Variants in SLC35F4 observed in about 807,000 individuals in gnomAD.
The protein encoded by SLC35F4 is solute carrier family 35 member F4.
Under a neutral mutation model 44.2 loss-of-function variants are expected in SLC35F4, and 24 were observed. The ratio of observed to expected loss-of-function variants is 0.54; its 90% CI spans 0.39 to 0.76. The LOEUF is 0.76. Among genes scored for constraint, SLC35F4 ranks in the 30% least tolerant of loss-of-function variants. The pLI, the probability that SLC35F4 is intolerant of heterozygous loss-of-function variation, is 0.00. For synonymous variants in SLC35F4, 238 were observed against 223.6 expected, an observed-to-expected ratio of 1.06 and a Z score of -0.57; for missense variants, 562 against 586.1, an observed-to-expected ratio of 0.96 and a Z score of 0.42.
intron 1 of SLC35F4, among the ~76,000 whole-genome samples, chr14:57,980,843 A>G (rs1322525538): frequency 1.3e-5 from 2 of 152,238 alleles, no homozygotes; most frequent in African/African-American, 4.8e-5. Context: ...ACATGTGGCT[A>G]GTGGCTATCA....
chr14:57,793,576 T>G (rs972454056), intron 1 of SLC35F4, among the ~76,000 whole-genome samples: 1 of 152,158 alleles, frequency 6.6e-6, no homozygotes, highest in Non-Finnish European at 1.5e-5. Context: ...TATTTAATTA[T>G]TTTTTATGGC....
chr14:57,891,195 T>C (rs1025433609), intron 1 of SLC35F4, among the ~76,000 whole-genome samples: 13 of 152,166 alleles, frequency 8.5e-5, no homozygotes, highest in African/African-American at 3.1e-4. Context: ...ACTTACTGGA[T>C]CTAATGGAAA....
At chr14:57,709,005 A>G (rs1427280123) in intron 1 of SLC35F4, among the ~76,000 whole-genome samples, 1 of 152,210 alleles carries the variant, frequency 6.6e-6, no homozygotes, top group African/African-American at 2.4e-5. Context: ...TAAAAGGCAG[A>G]GCCAGGTGTA....
At chr14:57,863,160 C>T (rs1887824992) in intron 1 of SLC35F4, among the ~76,000 whole-genome samples, 1 of 152,230 alleles carries the variant, frequency 6.6e-6, no homozygotes, top group Non-Finnish European at 1.5e-5. Flanking sequence ...AGCCACTGCA[C>T]CCACCTTTAA....
At chr14:57,884,020 A>G (rs1334680968) in intron 1 of SLC35F4, among the ~76,000 whole-genome samples, 3 of 152,168 alleles carry the variant, frequency 2.0e-5, no homozygotes, top group Admixed American at 1.3e-4. Context: ...AGACAATAAG[A>G]GCCGTGGATA....
At chr14:57,671,352 G>A (rs1462481149) in intron 1 of SLC35F4, among the ~76,000 whole-genome samples, 1 of 151,944 alleles carries the variant, frequency 6.6e-6, no homozygotes, top group African/African-American at 2.4e-5. Context: ...TTCCACTTGA[G>A]GAGAGGGGAG....
At chr14:57,945,404 T>C (rs1890005623) in intron 1 of SLC35F4, among the ~76,000 whole-genome samples, 1 of 148,068 alleles carries the variant, frequency 6.8e-6, no homozygotes, top group African/African-American at 2.6e-5. Context: ...GCAGCTGCTA[T>C]TATCATTGCT....
At chr14:57,698,044 A>G (rs1263435526) in intron 1 of SLC35F4, among the ~76,000 whole-genome samples, 3 of 152,198 alleles carry the variant, frequency 2.0e-5, no homozygotes, top group Admixed American at 6.5e-5. Context: ...TCAGTTCTTC[A>G]CATGTAAAAT....
At chr14:57,640,597 T>C (rs1404501912) in intron 1 of SLC35F4, among the ~76,000 whole-genome samples, 1 of 152,022 alleles carries the variant, frequency 6.6e-6, no homozygotes, top group Non-Finnish European at 1.5e-5. Context: ...TTGTTCCTTA[T>C]TCAATGAGGC....
chr14:57,652,031 G>A (rs1359799265), intron 1 of SLC35F4, among the ~76,000 whole-genome samples: 1 of 152,154 alleles, frequency 6.6e-6, no homozygotes, highest in African/African-American at 2.4e-5. Context: ...GGTACCTGGA[G>A]GACCCCCAGG....
chr14:57,854,409 A>G (rs1001828900), intron 1 of SLC35F4, among the ~76,000 whole-genome samples: 31 of 152,228 alleles, frequency 2.0e-4, no homozygotes, highest in African/African-American at 7.0e-4. Context: ...AGAACATAAA[A>G]TAGGCTGTCT....
chr14:57,898,317 C>T (rs1309680279), intron 1 of SLC35F4, among the ~76,000 whole-genome samples: 1 of 152,236 alleles, frequency 6.6e-6, no homozygotes. Context: ...CATCAGTGTG[C>T]TTGAAAGCTG....
At chr14:57,638,358 G>T (rs1418157776) in intron 1 of SLC35F4, among the ~76,000 whole-genome samples, 3 of 152,104 alleles carry the variant, frequency 2.0e-5, no homozygotes, top group African/African-American at 7.2e-5. Context: ...TAATTGTAAT[G>T]CATTTAAAAG....
chr14:57,710,514 T>C (rs907224301), intron 1 of SLC35F4, among the ~76,000 whole-genome samples: 1 of 152,020 alleles, frequency 6.6e-6, no homozygotes, highest in Admixed American at 6.5e-5. Flanking sequence ...GACCTCAGAA[T>C]TGTAGATCCA....
rs1566659464 is a variant in SLC35F4, at chr14:57,594,008, T to C, written c.220A>G (p.Ile74Val). 6.2e-7 allele frequency: 1 copy of C among 1,613,914 alleles called. No homozygotes were observed. Among genetic ancestry groups the C allele is most frequent in the Admixed American group, 1.7e-5 (1 of 59,992 alleles). ...GATCCTTGGTTTTGAAGTTCAAGAA[T>C]AGGAGCAGAGGAATCTTCGGTGACA... ...LSVTEDSSAP[I>V]LELQNQGSSG... The change falls in exon 2 of 8, where the codon ATT becomes GTT. Residue 74 changes from isoleucine to valine, a missense_variant. Coordinates refer to ENST00000556826, the MANE Select transcript of SLC35F4 (RefSeq NM_001306087.2).
chr14:57,837,243 T>A (rs910229934), intron 1 of SLC35F4: 10 of 152,208 alleles, frequency 6.6e-5, no homozygotes, highest in African/African-American at 2.4e-4. Flanking sequence ...TGTCCCACAC[T>A]TCAAGAGACA....
chr14:57,589,561 C>G (rs1251629077), intron 2 of SLC35F4, 48 bp from the exon 3 acceptor site: 2 of 1,518,770 alleles, frequency 1.3e-6, no homozygotes, highest in East Asian at 4.6e-5. Flanking sequence ...GGTTATGAAA[C>G]AGCAATCAAA....
In SLC35F4 at chr14:57,620,079, A is replaced by C. The variant is rs143279521; in HGVS notation, c.104-25955T>G. ...ATGTGTGTTTGATTGGTGTACCTGA[A>C]AGTTACGGGGAGAATGGAACCTAGT... On this transcript the variant is annotated intron_variant, in intron 1 of 7. Coordinates refer to ENST00000556826, the MANE Select transcript of SLC35F4 (RefSeq NM_001306087.2). Among the ~76,000 whole-genome samples, 271 of 152,290 alleles carry C rather than the reference A, an allele frequency of 1.8e-3. 1 individual carries two copies. The highest frequency in any genetic ancestry group is 6.2e-3 in the African/African-American group (257 of 41,532).
At chr14:57,931,427 C>A (rs1299776854) in intron 1 of SLC35F4, among the ~76,000 whole-genome samples, 3 of 152,068 alleles carry the variant, frequency 2.0e-5, no homozygotes, top group Non-Finnish European at 4.4e-5. Flanking sequence ...TGACAAAGAC[C>A]AATCTAAAAG....
Sources: allele counts gnomAD v4.1 joint callset (sites outside exome capture counted in the v4.1 genomes callset), GRCh38; gene constraint gnomAD v4.1.1; transcripts MANE v1.5; gene names NCBI Gene and HGNC (gene_info 2026-07-23, HGNC 2026-07-21).